The following RLN2 variants were observed in gnomAD, a reference collection of about 807,000 sequenced individuals.
RLN2 encodes relaxin 2.
In RLN2, 10 loss-of-function variants were observed where a neutral mutation model predicts 7.3. The observed-to-expected ratio is 1.36, with a 90% confidence interval of 0.84 to 2.31. RLN2 has a LOEUF of 2.31. Ranked by LOEUF, RLN2 falls within the 30% of genes most tolerant of loss-of-function variation. The probability of loss-of-function intolerance (pLI) is 0.00; values close to 1 mark genes in which losing one functional copy is unlikely to be tolerated. For missense variants in RLN2, 298 were observed against 217.6 expected, an observed-to-expected ratio of 1.37 and a Z score of -2.32; for synonymous variants, 103 against 82.3, an observed-to-expected ratio of 1.25 and a Z score of -1.36.
the RLN2 span, among the ~76,000 whole-genome samples, chr9:5,327,713 G>C: frequency 1.3e-5 from 2 of 152,008 alleles, no homozygotes; most frequent in Admixed American, 1.3e-4. Flanking sequence ...CCAGAGGAAA[G>C]ATCAGGCAGT....
the RLN2 span, among the ~76,000 whole-genome samples, chr9:5,319,318 CAT>C: frequency 6.6e-6 from 1 of 151,906 alleles, no homozygotes; most frequent in African/African-American, 2.4e-5. Context: ...AGGAGGCAGA[CAT>C]ATTTACCACT....
At chr9:5,326,538 G>T in the RLN2 span, among the ~76,000 whole-genome samples, 1 of 152,020 alleles carries the variant, frequency 6.6e-6, no homozygotes, top group Non-Finnish European at 1.5e-5. Context: ...CAGTGTGGAG[G>T]GTCAGACTCA....
upstream of RLN2, chr9:5,304,824 C>G (rs1189602198): frequency 1.8e-6 from 1 of 552,322 alleles, no homozygotes; most frequent in East Asian, 3.1e-5. Context: ...CCCTCTCTGC[C>G]TTTCCTTCAT....
chr9:5,321,641 T>C, the RLN2 span, among the ~76,000 whole-genome samples: 1 of 148,926 alleles, frequency 6.7e-6, no homozygotes. Context: ...GGGGAAGCAA[T>C]GGAGAAAAAG....
chr9:5,337,969 G>A, the RLN2 span, among the ~76,000 whole-genome samples: 2 of 151,856 alleles, frequency 1.3e-5, no homozygotes, highest in African/African-American at 4.8e-5. Context: ...TATGTTTTGG[G>A]ATAATAACAA....
chr9:5,318,354 G>A, the RLN2 span, among the ~76,000 whole-genome samples: 2 of 151,806 alleles, frequency 1.3e-5, no homozygotes, highest in Admixed American at 6.6e-5. Flanking sequence ...GTAATAATAT[G>A]AAATACATTT....
chr9:5,331,325 C>T, the RLN2 span, among the ~76,000 whole-genome samples: 4 of 151,896 alleles, frequency 2.6e-5, no homozygotes. Flanking sequence ...TGATGAACAT[C>T]GATGAGAAAA....
At chr9:5,337,534 G>A in the RLN2 span, among the ~76,000 whole-genome samples, 2 of 151,902 alleles carry the variant, frequency 1.3e-5, no homozygotes, top group East Asian at 1.9e-4. Flanking sequence ...GGGATGCAGT[G>A]AATATTACTT....
At chr9:5,319,322 T>C in the RLN2 span, among the ~76,000 whole-genome samples, 2 of 152,018 alleles carry the variant, frequency 1.3e-5, no homozygotes, top group South Asian at 4.2e-4. Flanking sequence ...GGCAGACATA[T>C]TTACCACTTT....
At chr9:5,315,022 G>C in the RLN2 span, among the ~76,000 whole-genome samples, 1 of 151,958 alleles carries the variant, frequency 6.6e-6, no homozygotes, top group East Asian at 1.9e-4. Context: ...AAGAAGTGCT[G>C]TTCCACCAGA....
At chr9:5,327,533 C>T in the RLN2 span, among the ~76,000 whole-genome samples, 3 of 152,044 alleles carry the variant, frequency 2.0e-5, no homozygotes, top group Admixed American at 1.3e-4. Context: ...CCCTGTCTGA[C>T]AACTCTAAAG....
the RLN2 span, chr9:5,335,340 A>G: frequency 6.2e-7 from 1 of 1,612,798 alleles, no homozygotes; most frequent in East Asian, 2.2e-5. Context: ...TTTTTTTGAG[A>G]ATGAGTATCC....
the RLN2 span, among the ~76,000 whole-genome samples, chr9:5,313,796 CA>C: frequency 6.6e-6 from 1 of 151,930 alleles, no homozygotes; most frequent in African/African-American, 2.4e-5. Context: ...AATAAGTAAG[CA>C]ACTACATTTA....
Position 5,300,126 on chromosome 9 carries a change from G to A in RLN2, c.530C>T (p.Thr177Ile). 6.2e-7 allele frequency: 1 copy of A among 1,601,196 alleles called. No homozygotes were observed. The highest frequency in any genetic ancestry group is 8.5e-7 in the Non-Finnish European group (1 of 1,175,820). Residue 177 changes from threonine (T) to isoleucine (I), a missense_variant, in exon 2 of 2, where the codon ACC (threonine) becomes ATC (isoleucine). Transcript: ENST00000381627. The part of the protein sequence containing the change: ...LANKCCHVGC[T>I]KRSLARFC Reference sequence around the variant, plus strand: ...GCAAAATCTAGCAAGAGATCTTTTGGTACAACCAACATGGCAACATTTATT... The same window carrying A: ...GCAAAATCTAGCAAGAGATCTTTTGATACAACCAACATGGCAACATTTATT...
chr9:5,332,006 A>G, the RLN2 span, among the ~76,000 whole-genome samples: 1 of 151,984 alleles, frequency 6.6e-6, no homozygotes, highest in African/African-American at 2.4e-5. Flanking sequence ...TTGTAGTATT[A>G]TTTGTGTTAA....
the RLN2 span, among the ~76,000 whole-genome samples, chr9:5,336,236 G>C: frequency 2.6e-5 from 4 of 152,146 alleles, no homozygotes; most frequent in East Asian, 1.9e-4. Context: ...ATATGAAAGA[G>C]AGAAGTGGGT....
At chr9:5,306,881 A>G (rs190669850), upstream of RLN2, among the ~76,000 whole-genome samples, 73 of 152,218 alleles carry the variant, frequency 4.8e-4, 1 homozygote, top group Middle Eastern at 3.4e-3. Flanking sequence ...AGTGTCTCTT[A>G]CAAGTAGCAG....
intron 1 of RLN2, chr9:5,303,950 G>A: frequency 6.1e-6 from 1 of 164,180 alleles, no homozygotes; most frequent in South Asian, 3.1e-5. Flanking sequence ...CCCTGTTCAG[G>A]TGCCCCCACC....
chr9:5,300,434 T>C lies in RLN2; in HGVS notation c.222A>G (p.Pro74=). 1 of 1,599,770 alleles carries C rather than the reference T, an allele frequency of 6.3e-7. No homozygotes were observed. ...TTTCTGTATCTTTGTTGATGAAGGATGGCACAATTTCTGTTAAATTTAAAA... is the reference window on the plus strand; with the variant it reads ...TTTCTGTATCTTTGTTGATGAAGGACGGCACAATTTCTGTTAAATTTAAAA... ...QTPRPVAEIV[P]SFINKDTETI... The change falls in exon 2 of 2, where the codon CCA becomes CCG. Residue 74 remains proline, a synonymous_variant. Transcript: ENST00000381627.
Sources: allele counts gnomAD v4.1 joint callset (sites outside exome capture counted in the v4.1 genomes callset), GRCh38; gene constraint gnomAD v4.1.1; transcripts MANE v1.5; gene names NCBI Gene and HGNC (gene_info 2026-07-23, HGNC 2026-07-21).